EPG5: variants seen among roughly 807,000 people sequenced by gnomAD.
The protein encoded by EPG5 is ectopic P-granules 5 autophagy tethering factor.
EPG5 carries 159 observed loss-of-function variants against 302.7 expected under a neutral mutation model. The observed-to-expected ratio is 0.53, with a 90% CI of 0.46 to 0.60. EPG5 has a LOEUF of 0.60. Ranked by LOEUF, EPG5 falls within the 20% of genes least tolerant of loss-of-function variation. The pLI, the probability that EPG5 is intolerant of heterozygous loss-of-function variation, is 0.00. For synonymous variants in EPG5, 1,158 were observed against 1,136.8 expected, an observed-to-expected ratio of 1.02 and a Z score of -0.37; for missense variants, 2,896 against 3,092.4, an observed-to-expected ratio of 0.94 and a Z score of 1.51.
At chr18:45,815,938 AGGCACATAGACTAATGGAACAGAATAGAC>A in the EPG5 span, among the ~76,000 whole-genome samples, 7 of 152,270 alleles carry the variant, frequency 4.6e-5, no homozygotes, top group African/African-American at 1.4e-4. Flanking sequence ...GCACAAAAAT[AGGCACATAGACTAATGGAACAGAATAGAC>A]AACCCAGAAA....
At chr18:45,948,667 T>C in intron 5 of EPG5, 91 bp from the exon 6 acceptor site, 3 of 1,020,704 alleles carry the variant, frequency 2.9e-6, no homozygotes, top group Admixed American at 2.0e-5. Flanking sequence ...CCAAAGTTGC[T>C]GTTAAGAGAA....
chr18:45,942,049 C>A lies in EPG5; in HGVS notation c.1943+1112G>T, dbSNP rs544930653. Among the ~76,000 whole-genome samples, 7 of 152,230 alleles carry A rather than the reference C, an allele frequency of 4.6e-5. No individual in the cohort carries two copies. The East Asian group carries it at 1.4e-3, about 29-fold the overall frequency. On this transcript the variant is annotated intron_variant, in intron 9 of 43. Transcript: ENST00000282041. ...GACCAGCCTAGCCAACATGGTGAAACCCCATCTCTACTAAAAATACAAAAA... is the reference window on the plus strand; with the variant it reads ...GACCAGCCTAGCCAACATGGTGAAAACCCATCTCTACTAAAAATACAAAAA...
chr18:45,941,513 G>A (rs2050667495), intron 9 of EPG5, among the ~76,000 whole-genome samples: 1 of 152,150 alleles, frequency 6.6e-6, no homozygotes, highest in African/African-American at 2.4e-5. Flanking sequence ...CAATTAGAAG[G>A]TATGAGAAGA....
the EPG5 span, chr18:45,837,136 T>C: frequency 5.0e-6 from 8 of 1,606,996 alleles, no homozygotes; most frequent in Admixed American, 6.7e-5. Flanking sequence ...TGGGAGTCTG[T>C]TTTAACCACG....
At position 45,959,339 on chromosome 18, in the gene EPG5, T is replaced by C. The variant is rs193285331; in HGVS notation, c.64-4001A>G. Among the ~76,000 whole-genome samples, 227 of 150,734 alleles carry C rather than the reference T, an allele frequency of 1.5e-3. 2 individuals are homozygous for C. Among genetic ancestry groups the C allele is most frequent in the African/African-American group, 5.2e-3 (212 of 40,936 alleles). On this transcript the variant is annotated intron_variant, in intron 1 of 43. Coordinates refer to ENST00000282041, the MANE Select transcript of EPG5 (RefSeq NM_020964.3). Reference sequence around the variant, plus strand: ...CTGGGTGACAGAGTCAGACTCCATCTCACAAAATACATAAATAGGGGCCGG... The same window carrying C: ...CTGGGTGACAGAGTCAGACTCCATCCCACAAAATACATAAATAGGGGCCGG...
At chr18:45,903,839 A>C in intron 25 of EPG5, 134 bp downstream of exon 25, 1 of 889,732 alleles carries the variant, frequency 1.1e-6, no homozygotes, top group Non-Finnish European at 1.6e-6. Flanking sequence ...GTGTAAGTCA[A>C]CTGAAATCTC....
chr18:45,935,855 T>C (rs2050511588), intron 10 of EPG5, among the ~76,000 whole-genome samples: 1 of 152,200 alleles, frequency 6.6e-6, no homozygotes, highest in African/African-American at 2.4e-5. Flanking sequence ...CCTCCTTCAG[T>C]TACCACTGCA....
In EPG5 at chr18:45,899,304, G is replaced by C. The variant is rs890281724; in HGVS notation, c.4809+100C>G. ...AAAACTAGTAAATGTTTGGGACACA[G>C]ACAGTGTGCTATATATGTCTTTCAA... On this transcript the variant is annotated intron_variant, in intron 27 of 43. Transcript: ENST00000282041. 2.2e-6 allele frequency: 3 copies of C among 1,351,966 alleles called. No individual in the cohort carries two copies. The African/African-American group carries it at 4.3e-5, about 19-fold the overall frequency. The allele number at this position is 1,351,966 out of a possible 1,614,324, so 83.7% of individuals were successfully genotyped here. A position where few individuals can be genotyped will look rare whatever the true frequency, so the allele number is the denominator to read the frequency against.
chr18:45,891,508 A>T (rs888788154), intron 27 of EPG5, among the ~76,000 whole-genome samples: 4 of 151,664 alleles, frequency 2.6e-5, no homozygotes, highest in African/African-American at 9.7e-5. Context: ...CAAAAAAAAA[A>T]AAAAAAAAAA....
chr18:45,937,485 C>A (rs1416888529), intron 10 of EPG5, among the ~76,000 whole-genome samples: 1 of 152,094 alleles, frequency 6.6e-6, no homozygotes, highest in African/African-American at 2.4e-5. Context: ...CAGCTCACCG[C>A]AACCTCCACT....
At chr18:45,813,480 A>G in the EPG5 span, among the ~76,000 whole-genome samples, 11 of 152,196 alleles carry the variant, frequency 7.2e-5, no homozygotes, top group Admixed American at 3.3e-4. Flanking sequence ...TGTTTATTGC[A>G]GCACTATTCA....
intron 1 of EPG5, among the ~76,000 whole-genome samples, chr18:45,966,678 CACT>C (rs1296959297): frequency 6.6e-6 from 1 of 152,148 alleles, no homozygotes; most frequent in Non-Finnish European, 1.5e-5. Flanking sequence ...ACAGAGGCAG[CACT>C]ACTATCATCT....
chr18:45,855,016 T>C (rs1043914994), intron 43 of EPG5, among the ~76,000 whole-genome samples: 1 of 152,198 alleles, frequency 6.6e-6, no homozygotes, highest in African/African-American at 2.4e-5. Flanking sequence ...CTGTGCACCT[T>C]TGTACCTGGC....
intron 36 of EPG5, among the ~76,000 whole-genome samples, chr18:45,870,128 A>G (rs1568106679): frequency 6.6e-6 from 1 of 152,184 alleles, no homozygotes; most frequent in Non-Finnish European, 1.5e-5. Context: ...TTTATCTCCT[A>G]TAATCAAATT....
intron 26 of EPG5, among the ~76,000 whole-genome samples, chr18:45,900,219 A>C (rs960675114): frequency 6.6e-6 from 1 of 151,972 alleles, no homozygotes; most frequent in African/African-American, 2.4e-5. Flanking sequence ...TGGCTAACAC[A>C]GTGAAACCCC....
intron 27 of EPG5, 152 bp from the exon 28 acceptor site, chr18:45,890,092 T>A: frequency 1.9e-6 from 1 of 539,998 alleles, no homozygotes; most frequent in Non-Finnish European, 3.1e-6. Flanking sequence ...GATCTTGAAT[T>A]AATTTATCAA....
At chr18:45,857,200 C>T (rs911793627) in intron 42 of EPG5, among the ~76,000 whole-genome samples, 1 of 152,094 alleles carries the variant, frequency 6.6e-6, no homozygotes, top group African/African-American at 2.4e-5. Flanking sequence ...ACCTCTGTCT[C>T]CCGGGTTCAA....
intron 27 of EPG5, among the ~76,000 whole-genome samples, chr18:45,894,203 T>C (rs1157121731): frequency 6.6e-6 from 1 of 152,170 alleles, no homozygotes; most frequent in Non-Finnish European, 1.5e-5. Flanking sequence ...CTTACACCTG[T>C]AATCCTAGCA....
chr18:45,905,731 A>C (rs2049733856), intron 24 of EPG5, among the ~76,000 whole-genome samples: 1 of 152,246 alleles, frequency 6.6e-6, no homozygotes, highest in African/African-American at 2.4e-5. Flanking sequence ...GCTGACTTAA[A>C]AAGAAAAAGA....
Sources: allele counts gnomAD v4.1 joint callset (sites outside exome capture counted in the v4.1 genomes callset), GRCh38; gene constraint gnomAD v4.1.1; transcripts MANE v1.5; gene names NCBI Gene and HGNC (gene_info 2026-07-23, HGNC 2026-07-21).